The following PSMB2 variants were observed in gnomAD, a reference collection of about 807,000 sequenced individuals.
PSMB2 encodes the protein proteasome 20S subunit beta 2.
In PSMB2, 13 loss-of-function variants were observed where a neutral mutation model predicts 25.7. That is an observed-to-expected ratio of 0.51 (90% CI 0.33 to 0.80). PSMB2 has a LOEUF of 0.80. Ranked by LOEUF, PSMB2 falls within the 30% of genes least tolerant of loss-of-function variation. PSMB2 has a pLI of 0.02. For synonymous variants in PSMB2, 87 were observed against 96.2 expected (o/e 0.90, Z 0.56); for missense variants, 202 against 259.0 (o/e 0.78, Z 1.51).
intron 3 of PSMB2, among the ~76,000 whole-genome samples, chr1:35,611,152 C>T (rs1650319599): frequency 6.6e-6 from 1 of 152,130 alleles, no homozygotes; most frequent in South Asian, 2.1e-4. Flanking sequence ...CAGGCCTTGC[C>T]CATGGATATG....
Position 35,603,042 on chromosome 1 carries a change from G to A in PSMB2, c.*225C>T. ...GGGTACTGAGCGTTAATGGAGGGCG[G>A]AGCAGGAAGAAAAGTCAGACCTGGC... On this transcript the variant is annotated 3_prime_UTR_variant, in exon 6 of 6. Coordinates refer to ENST00000373237, the MANE Select transcript of PSMB2 (RefSeq NM_002794.5). 2.3e-6 allele frequency: 3 copies of A among 1,304,034 alleles called. No homozygotes were observed. The highest frequency in any genetic ancestry group is 2.9e-6 in the Non-Finnish European group (3 of 1,023,300). The allele number at this position is 1,304,034 out of a possible 1,614,324, so 80.8% of individuals were successfully genotyped here.
chr1:35,613,563 G>A (rs1391276953), intron 3 of PSMB2, among the ~76,000 whole-genome samples: 1 of 152,176 alleles, frequency 6.6e-6, no homozygotes, highest in African/African-American at 2.4e-5. Context: ...AGCAATAAGT[G>A]CTACTTCTGA....
chr1:35,605,397 T>A, intron 4 of PSMB2, 115 bp from the exon 5 acceptor site: 1 of 1,036,358 alleles, frequency 9.6e-7, no homozygotes, highest in Non-Finnish European at 1.5e-6. Flanking sequence ...CACACAAACG[T>A]AAAAGGCAAA....
chr1:35,600,126 G>A lies in PSMB2; in HGVS notation c.*3141C>T, dbSNP rs1451748496. On this transcript the variant is annotated 3_prime_UTR_variant, in exon 6 of 6. Transcript: ENST00000373237. ...CCACTGTACTCCAGCCTAGGTGATG[G>A]AGCAAGACCCTGTCTCTGAAAAACA... 1.1e-6 allele frequency: 1 copy of A among 949,628 alleles called. No individual in the cohort carries two copies. Among genetic ancestry groups the A allele is most frequent in the Non-Finnish European group, 1.3e-6 (1 of 797,722 alleles). 58.8% of individuals were successfully genotyped at this position (949,628 alleles called of 1,614,324 possible).
chr1:35,615,263 T>C (rs977097306), intron 3 of PSMB2, among the ~76,000 whole-genome samples: 2 of 152,256 alleles, frequency 1.3e-5, no homozygotes, highest in South Asian at 2.1e-4. Context: ...ACATCTCTTA[T>C]GTACTTCTTT....
chr1:35,639,791 T>C (rs1353316078), intron 1 of PSMB2, among the ~76,000 whole-genome samples: 1 of 152,238 alleles, frequency 6.6e-6, no homozygotes, highest in Non-Finnish European at 1.5e-5. Context: ...TGGACAAATT[T>C]ACTCTCAAAA....
rs929763881 is a variant in PSMB2, at chr1:35,601,623, G to A, written c.*1644C>T. 7.1e-6 allele frequency: 7 copies of A among 985,132 alleles called. No individual in the cohort carries two copies. Among genetic ancestry groups the A allele is most frequent in the Non-Finnish European group, 8.4e-6 (7 of 829,662 alleles). The allele number at this position is 985,132 out of a possible 1,614,324, so 61.0% of individuals were successfully genotyped here. A position where few individuals can be genotyped will look rare whatever the true frequency, so the allele number is the denominator to read the frequency against. The stretch of plus-strand genomic sequence containing the variant: ...TACTTTAATATGAACGTTATGATCA[G>A]TAGGTAGTATCTTAGATGATACATT... On this transcript the variant is annotated 3_prime_UTR_variant, in exon 6 of 6. Coordinates refer to ENST00000373237, the MANE Select transcript of PSMB2 (RefSeq NM_002794.5).
chr1:35,636,219 A>G (rs1176316539), intron 2 of PSMB2, 91 bp downstream of exon 2: 11 of 1,475,898 alleles, frequency 7.5e-6, no homozygotes, highest in Non-Finnish European at 1.0e-5. Context: ...GAGAAAATAC[A>G]TTTCTGTTGT....
chr1:35,634,215 A>G (rs534390342), intron 2 of PSMB2, among the ~76,000 whole-genome samples: 1 of 152,358 alleles, frequency 6.6e-6, no homozygotes. Flanking sequence ...TAGTTACACA[A>G]TGCTTTAGGT....
intron 2 of PSMB2, among the ~76,000 whole-genome samples, chr1:35,632,021 A>T (rs987452613): frequency 3.3e-5 from 5 of 152,176 alleles, no homozygotes; most frequent in Admixed American, 2.0e-4. Flanking sequence ...CTGTCTCTAA[A>T]AAAACGAAAA....
chr1:35,632,080 C>T (rs1352348115), intron 2 of PSMB2, among the ~76,000 whole-genome samples: 1 of 152,028 alleles, frequency 6.6e-6, no homozygotes, highest in Non-Finnish European at 1.5e-5. Context: ...GTTAGGACTA[C>T]CTCAGAGTCA....
At chr1:35,620,854 G>A (rs1010736393) in intron 3 of PSMB2, among the ~76,000 whole-genome samples, 12 of 151,592 alleles carry the variant, frequency 7.9e-5, no homozygotes, top group East Asian at 2.0e-4. Context: ...TAGCAGAGAC[G>A]GGGGTTTCAC....
chr1:35,601,318 G>A lies in PSMB2; in HGVS notation c.*1949C>T, dbSNP rs184317660. On this transcript the variant is annotated 3_prime_UTR_variant, in exon 6 of 6. Coordinates refer to ENST00000373237, the MANE Select transcript of PSMB2 (RefSeq NM_002794.5). ...ACTCCTGACCTCAGGTGATCCGCCCGCCTCGGCGGGCGGCCAAAGTGCTGG... is the reference window on the plus strand; with the variant it reads ...ACTCCTGACCTCAGGTGATCCGCCCACCTCGGCGGGCGGCCAAAGTGCTGG... 333 of 944,160 alleles carry A rather than the reference G, an allele frequency of 3.5e-4. 9 individuals carry two copies. In the East Asian group the frequency reaches 0.027, roughly 75 times the overall value. 58.5% of individuals were successfully genotyped at this position (944,160 alleles called of 1,614,324 possible).
intron 3 of PSMB2, among the ~76,000 whole-genome samples, chr1:35,625,975 T>C (rs1317211171): frequency 6.6e-6 from 1 of 151,944 alleles, no homozygotes; most frequent in Non-Finnish European, 1.5e-5. Flanking sequence ...TAACTGGGAT[T>C]ACAGGTGTGT....
Position 35,601,778 on chromosome 1 carries a change from T to C in PSMB2, c.*1489A>G, listed in dbSNP as rs185601296. On this transcript the variant is annotated 3_prime_UTR_variant, in exon 6 of 6. Coordinates refer to ENST00000373237, the MANE Select transcript of PSMB2 (RefSeq NM_002794.5). ...GTGGTTCCTAGACCAGCAGCATCAGTAGCAACTGGAAATGTGAGATGAACA... is the reference window on the plus strand; with the variant it reads ...GTGGTTCCTAGACCAGCAGCATCAGCAGCAACTGGAAATGTGAGATGAACA... 16 of 985,256 alleles carry C rather than the reference T, an allele frequency of 1.6e-5. No homozygotes were observed. In the East Asian group the frequency reaches 1.5e-3, roughly 91 times the overall value. 61.0% of individuals were successfully genotyped at this position (985,256 alleles called of 1,614,324 possible).
Position 35,609,298 on chromosome 1 carries a change from G to T in PSMB2, c.396C>A (p.His132Gln). 1 of 1,613,042 alleles carries T rather than the reference G, an allele frequency of 6.2e-7. No individual in the cohort carries two copies. The highest frequency in any genetic ancestry group is 8.5e-7 in the Non-Finnish European group (1 of 1,179,504). Reference protein sequence around the residue: ...AALAKAPFAAHGYGAFLTLSI... With the variant: ...AALAKAPFAAQGYGAFLTLSI... ...TGAGAGTCAGGAAGGCACCATAGCC[G>T]TGGGCTGCAAAAGGGGCCTTGGCCA... Residue 132 changes from histidine to glutamine, a missense_variant, in exon 4 of 6, where the codon CAC becomes CAA. Physicochemically the swap from His to Gln is conservative, Grantham distance 24. Transcript: ENST00000373237.
At chr1:35,619,650 A>G (rs2148569118) in intron 3 of PSMB2, among the ~76,000 whole-genome samples, 2 of 152,352 alleles carry the variant, frequency 1.3e-5, no homozygotes, top group East Asian at 3.9e-4. Context: ...TAGATTTTAA[A>G]GGTCTCCTCA....
chr1:35,628,239 G>A (rs1349107984), intron 3 of PSMB2, among the ~76,000 whole-genome samples: 2 of 152,056 alleles, frequency 1.3e-5, no homozygotes, highest in Admixed American at 6.6e-5. Flanking sequence ...CTGTCTACAA[G>A]GGATATTTGT....
intron 3 of PSMB2, among the ~76,000 whole-genome samples, chr1:35,624,908 C>G (rs1382399772): frequency 2.0e-5 from 3 of 150,508 alleles, no homozygotes; most frequent in African/African-American, 7.3e-5. Context: ...TAAAAATACA[C>G]AAATTAGCCA....
Sources: allele counts gnomAD v4.1 joint callset (sites outside exome capture counted in the v4.1 genomes callset), GRCh38; gene constraint gnomAD v4.1.1; transcripts MANE v1.5; gene names NCBI Gene and HGNC (gene_info 2026-07-23, HGNC 2026-07-21).